The following RIMS2 variants were observed in gnomAD, a reference collection of about 807,000 sequenced individuals.
RIMS2 encodes the protein regulating synaptic membrane exocytosis 2, also known as regulating synaptic membrane exocytosis protein 2.
A neutral mutation model predicts 174.4 loss-of-function variants in RIMS2; 59 were observed. The ratio of observed to expected loss-of-function variants is 0.34; its 90% CI spans 0.27 to 0.42. RIMS2 has a LOEUF of 0.42. Ranked by LOEUF, RIMS2 falls within the 10% of genes least tolerant of loss-of-function variation. The pLI, the probability that RIMS2 is intolerant of heterozygous loss-of-function variation, is 1.00. For synonymous variants in RIMS2, 606 were observed against 572.5 expected (o/e 1.06, Z -0.84); for missense variants, 1,620 against 1,666.3 (o/e 0.97, Z 0.48).
intron 1 of RIMS2, among the ~76,000 whole-genome samples, chr8:103,516,196 G>A (rs1022407190): frequency 5.9e-5 from 9 of 152,088 alleles, no homozygotes; most frequent in African/African-American, 2.2e-4. Context: ...CAAGGTGCAG[G>A]CATTGTTTAT....
chr8:103,806,365 C>G (rs2098649966), intron 3 of RIMS2, among the ~76,000 whole-genome samples: 1 of 152,072 alleles, frequency 6.6e-6, no homozygotes, highest in Admixed American at 6.6e-5. Context: ...CACTAACTTA[C>G]ATTTTAAATG....
chr8:103,675,597 C>G (rs1051123184), intron 1 of RIMS2, among the ~76,000 whole-genome samples: 1 of 152,270 alleles, frequency 6.6e-6, no homozygotes. Flanking sequence ...AAGGAAGCAG[C>G]AGTTTTGTGA....
intron 19 of RIMS2, among the ~76,000 whole-genome samples, 158 bp downstream of exon 24, chr8:104,093,801 T>A (rs2097705182): frequency 6.6e-6 from 1 of 152,126 alleles, no homozygotes; most frequent in Non-Finnish European, 1.5e-5. Flanking sequence ...TATATTTTAA[T>A]CCACATTTCA....
At chr8:104,112,258 GT>G (rs1342016432) in intron 19 of RIMS2, among the ~76,000 whole-genome samples, 1 of 151,986 alleles carries the variant, frequency 6.6e-6, no homozygotes, top group African/African-American at 2.4e-5. Context: ...CTCATTTCCT[GT>G]TATACTTTCA....
At chr8:104,142,120 C>CTTTTTTTTTTT (rs71297257) in intron 19 of RIMS2, among the ~76,000 whole-genome samples, 1 of 131,996 alleles carries the variant, frequency 7.6e-6, no homozygotes, top group Non-Finnish European at 1.6e-5. Context: ...AAATATCTTC[C>CTTTTTTTTTTT]TTTTTTTTTT....
chr8:103,535,431 T>C lies in RIMS2; in HGVS notation c.176+34369T>C, dbSNP rs149107055. Reference sequence around the variant, plus strand: ...GAAATGTGATTATTCATTCCATAGGTGGCAGATCAGGCTCAAGTATATCTA... The same window carrying C: ...GAAATGTGATTATTCATTCCATAGGCGGCAGATCAGGCTCAAGTATATCTA... On this transcript the variant is annotated intron_variant, in intron 1 of 23. Transcript: ENST00000504942. 6.2e-3 allele frequency among the ~76,000 whole-genome samples: 938 copies of C among 152,324 alleles called. 12 individuals are homozygous for C. Among genetic ancestry groups the C allele is most frequent in the African/African-American group, 0.021 (888 of 41,572 alleles).
chr8:103,994,549 A>G (rs2094945546), intron 17 of RIMS2, among the ~76,000 whole-genome samples: 1 of 152,172 alleles, frequency 6.6e-6, no homozygotes, highest in East Asian at 1.9e-4. Context: ...AATAATGTCC[A>G]TTAATTTTGG....
chr8:103,614,063 C>T (rs2095448927), intron 1 of RIMS2, among the ~76,000 whole-genome samples: 1 of 152,248 alleles, frequency 6.6e-6, no homozygotes, highest in Non-Finnish European at 1.5e-5. Flanking sequence ...GGTCACATGC[C>T]TCCTTAGTCC....
intron 3 of RIMS2, among the ~76,000 whole-genome samples, chr8:103,879,106 T>C (rs1349928562): frequency 1.3e-5 from 2 of 151,260 alleles, no homozygotes. Flanking sequence ...ATAAACACTC[T>C]AAAAAGAAAG....
intron 19 of RIMS2, among the ~76,000 whole-genome samples, chr8:104,237,560 A>G (rs1299867817): frequency 6.6e-6 from 1 of 152,176 alleles, no homozygotes; most frequent in East Asian, 1.9e-4. Context: ...ATATACATGA[A>G]TAGACCTAAC....
At chr8:103,821,467 T>C (rs1005061990) in intron 3 of RIMS2, among the ~76,000 whole-genome samples, 10 of 151,876 alleles carry the variant, frequency 6.6e-5, no homozygotes, top group African/African-American at 2.2e-4. Context: ...TATTAGTCTT[T>C]AAAAATCATT....
chr8:103,994,073 T>G (rs373318374), intron 17 of RIMS2, among the ~76,000 whole-genome samples: 2 of 146,440 alleles, frequency 1.4e-5, no homozygotes, highest in African/African-American at 5.0e-5. Context: ...AAAAAAAGAA[T>G]AAAAAAAATG....
chr8:103,652,833 G>T lies in RIMS2; in HGVS notation c.177-44253G>T. The T allele has an allele frequency of 6.8e-6, 3 of 439,132 alleles. No individual in the cohort carries two copies. In the Admixed American group the frequency reaches 8.6e-5, roughly 13 times the overall value. 27.2% of individuals were successfully genotyped at this position (439,132 alleles called of 1,614,324 possible). Reference sequence around the variant, plus strand: ...CAGAAAGGAAAATTGTTCGGTTAGGGTTTGATACTGTTACCCTTAATGAAA... The same window carrying T: ...CAGAAAGGAAAATTGTTCGGTTAGGTTTTGATACTGTTACCCTTAATGAAA... On this transcript the variant is annotated intron_variant, in intron 1 of 23. Transcript: ENST00000504942.
At chr8:104,152,758 T>C (rs772866693) in intron 19 of RIMS2, among the ~76,000 whole-genome samples, 1 of 152,110 alleles carries the variant, frequency 6.6e-6, no homozygotes, top group Non-Finnish European at 1.5e-5. Flanking sequence ...AGAAATTCTT[T>C]GTGTGTTTTC....
At chr8:103,797,812 G>A (rs966017185) in intron 3 of RIMS2, among the ~76,000 whole-genome samples, 1 of 151,962 alleles carries the variant, frequency 6.6e-6, no homozygotes, top group African/African-American at 2.4e-5. Context: ...TTTTTTCCAT[G>A]TTCTCCTATC....
chr8:103,831,277 C>G (rs1178002987), intron 3 of RIMS2, among the ~76,000 whole-genome samples: 3 of 152,054 alleles, frequency 2.0e-5, no homozygotes, highest in Non-Finnish European at 4.4e-5. Context: ...TATGAATAGT[C>G]AATGATTTTT....
intron 19 of RIMS2, among the ~76,000 whole-genome samples, chr8:104,182,025 A>C (rs952696686): frequency 6.6e-6 from 1 of 151,638 alleles, no homozygotes; most frequent in African/African-American, 2.4e-5. Flanking sequence ...TCCATTTAGG[A>C]CTTTTTTCCT....
At chr8:103,878,506 T>C (rs1216393763) in intron 3 of RIMS2, among the ~76,000 whole-genome samples, 1 of 151,880 alleles carries the variant, frequency 6.6e-6, no homozygotes, top group Non-Finnish European at 1.5e-5. Context: ...TCTCAGTTCA[T>C]TGGAGATATT....
chr8:103,725,213 A>G (rs2097512097), intron 2 of RIMS2, among the ~76,000 whole-genome samples: 1 of 152,086 alleles, frequency 6.6e-6, no homozygotes, highest in African/African-American at 2.4e-5. Context: ...TGGCTATTTT[A>G]TTTCCTTTCT....
Sources: gnomAD v4.1 joint callset for allele counts (sites outside exome capture counted in the v4.1 genomes callset) on GRCh38, gnomAD v4.1.1 for gene constraint, MANE v1.5 for transcripts, NCBI Gene and HGNC (gene_info 2026-07-23, HGNC 2026-07-21) for gene names.